The following TAF2 variants were observed in gnomAD, a reference collection of about 807,000 sequenced individuals.
The protein encoded by TAF2 is transcription initiation factor TFIID subunit 2.
Under a neutral mutation model 138.5 loss-of-function variants are expected in TAF2, and 61 were observed. That is an observed-to-expected ratio of 0.44 (90% CI 0.36 to 0.54). The LOEUF (loss-of-function observed/expected upper bound fraction) is 0.54. Ranked by LOEUF, TAF2 falls within the 20% of genes least tolerant of loss-of-function variation. The probability of loss-of-function intolerance (pLI) is 0.00; values close to 1 mark genes in which losing one functional copy is unlikely to be tolerated. For synonymous variants in TAF2, 475 were observed against 469.9 expected (o/e 1.01, Z -0.14); for missense variants, 1,090 against 1,427.9 (o/e 0.76, Z 3.81).
intron 21 of TAF2, among the ~76,000 whole-genome samples, chr8:119,756,481 C>T (rs1820710688): frequency 6.6e-6 from 1 of 152,082 alleles, no homozygotes; most frequent in African/African-American, 2.4e-5. Flanking sequence ...GAACATTCCA[C>T]TCTGCTTAGA....
At position 119,803,918 on chromosome 8, in the gene TAF2, C is replaced by A; in HGVS notation, c.520G>T (p.Gly174Cys). The A allele has an allele frequency of 6.2e-7, 1 of 1,613,924 alleles. No individual in the cohort carries two copies. Among genetic ancestry groups the A allele is most frequent in the Non-Finnish European group, 8.5e-7 (1 of 1,179,964 alleles). The stretch of plus-strand genomic sequence containing the variant: ...TACCCACAAGAGAAAACATGAGCAC[C>A]TCTCTCTGCCATACTTCCCTCTACA... ...PSVEGSMAER[G>C]AHVFSCGYQN... The change falls in exon 5 of 26, where the codon GGT becomes TGT. Residue 174 changes from glycine to cysteine, a missense_variant. By Grantham distance (159) the Gly-to-Cys change is radical. Coordinates refer to ENST00000378164, the MANE Select transcript of TAF2 (RefSeq NM_003184.4).
intron 3 of TAF2, among the ~76,000 whole-genome samples, chr8:119,817,637 C>T (rs1209169964): frequency 1.3e-5 from 2 of 152,210 alleles, no homozygotes; most frequent in East Asian, 3.8e-4. Context: ...TGTCATTACA[C>T]TTAACAGATT....
rs184110627 is a variant in TAF2 at position 119,793,638 on chromosome 8, G to C, written c.1192-187C>G. 1.7e-3 allele frequency among the ~76,000 whole-genome samples: 258 copies of C among 152,334 alleles called. 1 individual carries two copies. The highest frequency in any genetic ancestry group is 3.1e-3 in the Non-Finnish European group (211 of 68,020). On this transcript the variant is annotated intron_variant, in intron 9 of 25. Transcript: ENST00000378164. The stretch of plus-strand genomic sequence containing the variant: ...AATAAAGCAGCCTACACAGCTGGCA[G>C]AATGACAAAAGCCAAAGACTTCTCT...
intron 24 of TAF2, among the ~76,000 whole-genome samples, 170 bp from the exon 25 acceptor site, chr8:119,742,826 A>G (rs1370437295): frequency 1.3e-5 from 2 of 152,166 alleles, no homozygotes; most frequent in African/African-American, 4.8e-5. Flanking sequence ...TCACATCTTT[A>G]ATCCCAATGC....
intron 4 of TAF2, among the ~76,000 whole-genome samples, chr8:119,806,055 C>A (rs985231828): frequency 6.6e-6 from 1 of 151,998 alleles, no homozygotes; most frequent in East Asian, 1.9e-4. Context: ...CATGCGCCCA[C>A]CAAGCCTGGA....
At chr8:119,792,994 G>A (rs1040747592) in intron 10 of TAF2, among the ~76,000 whole-genome samples, 1 of 152,014 alleles carries the variant, frequency 6.6e-6, no homozygotes, top group African/African-American at 2.4e-5. Context: ...ATGGCAAGTG[G>A]TATTATGCAT....
rs143401446 is a variant in TAF2 at position 119,769,599 on chromosome 8, T to C, written c.2365-6991A>G. ...ACAATTCAGGAGATGAAAGACCAGA[T>C]AGATGTATTTTTAGAAGAGCAACAA... On this transcript the variant is annotated intron_variant, in intron 18 of 25. Coordinates refer to ENST00000378164, the MANE Select transcript of TAF2 (RefSeq NM_003184.4). Among the ~76,000 whole-genome samples the C allele has an allele frequency of 3.1e-3, 469 of 151,894 alleles. 10 individuals carry two copies. Among genetic ancestry groups the C allele is most frequent in the Admixed American group, 0.016 (251 of 15,244 alleles).
rs182536328 is a variant in TAF2 at position 119,804,733 on chromosome 8, G to T, written c.419-714C>A. Among the ~76,000 whole-genome samples the T allele has an allele frequency of 6.6e-5, 10 of 152,096 alleles. No individual in the cohort carries two copies. In the East Asian group the frequency reaches 1.5e-3, roughly 24 times the overall value. On this transcript the variant is annotated intron_variant, in intron 4 of 25. Transcript: ENST00000378164. ...ATGTCTTTATCAGCAGCATGAAAAC[G>T]GACTAATACACTTACTTTTCAAGTT... is the stretch of plus-strand genomic sequence containing the variant.
rs1355257387 is a variant in TAF2 at position 119,819,556 on chromosome 8, G to A, written c.139-50C>T. The A allele has an allele frequency of 4.8e-6, 7 of 1,468,634 alleles. No individual in the cohort carries two copies. In the African/African-American group the frequency reaches 5.5e-5, roughly 12 times the overall value. 91.0% of individuals were successfully genotyped at this position (1,468,634 alleles called of 1,614,324 possible). On this transcript the variant is annotated intron_variant, in intron 2 of 25. Coordinates refer to ENST00000378164, the MANE Select transcript of TAF2 (RefSeq NM_003184.4). ...TCATTATAAAGACTGGTATGTTTCAGAATATATTTCTTTTATTTTTACCAC... is the reference window on the plus strand; with the variant it reads ...TCATTATAAAGACTGGTATGTTTCAAAATATATTTCTTTTATTTTTACCAC...
intron 22 of TAF2, among the ~76,000 whole-genome samples, chr8:119,748,111 G>A (rs888507317): frequency 2.1e-4 from 32 of 151,566 alleles, no homozygotes; most frequent in Admixed American, 6.6e-5. Flanking sequence ...GCAACAGAGT[G>A]AGGCCTTGTC....
In TAF2 at chr8:119,801,983, T is replaced by G. The variant is rs766074204; in HGVS notation, c.603A>C (p.Thr201=). 1 of 1,613,992 alleles carries G rather than the reference T, an allele frequency of 6.2e-7. No homozygotes were observed. Among genetic ancestry groups the G allele is most frequent in the Admixed American group, 1.7e-5 (1 of 59,992 alleles). The change falls in exon 6 of 26, where the codon ACA becomes ACC. Residue 201 remains threonine, a synonymous_variant. Transcript: ENST00000378164. ...CATCTACTGTAAATTCTAATTTCCATGTACACAATTCAGAGTATGAATCAA... is the reference window on the plus strand; with the variant it reads ...CATCTACTGTAAATTCTAATTTCCAGGTACACAATTCAGAGTATGAATCAA... ...PCVDSYSELC[T]WKLEFTVDAA... is the part of the protein sequence containing the mutation.
chr8:119,753,441 G>A (rs968830518), intron 22 of TAF2, among the ~76,000 whole-genome samples: 5 of 152,102 alleles, frequency 3.3e-5, no homozygotes, highest in African/African-American at 9.7e-5. Context: ...ATTGTCCAAT[G>A]TTCTATAAAA....
chr8:119,787,732 T>C (rs965398194), intron 14 of TAF2, among the ~76,000 whole-genome samples: 1 of 152,202 alleles, frequency 6.6e-6, no homozygotes, highest in African/African-American at 2.4e-5. Flanking sequence ...AGAAATCCCA[T>C]TACTGGGTAT....
At chr8:119,775,239 CCACT>C (rs1822141260) in intron 18 of TAF2, among the ~76,000 whole-genome samples, 1 of 147,404 alleles carries the variant, frequency 6.8e-6, no homozygotes, top group South Asian at 2.2e-4. Context: ...TGGAATTGTG[CCACT>C]GCACTCCAGC....
intron 6 of TAF2, among the ~76,000 whole-genome samples, chr8:119,801,586 G>C (rs533834732): frequency 6.6e-6 from 1 of 151,968 alleles, no homozygotes; most frequent in East Asian, 1.9e-4. Flanking sequence ...CCACCACCAC[G>C]CCTGGCTAAT....
intron 18 of TAF2, among the ~76,000 whole-genome samples, chr8:119,776,364 T>A (rs1586398418): frequency 1.4e-5 from 2 of 140,374 alleles, no homozygotes; most frequent in African/African-American, 5.6e-5. Context: ...TTTTTTTTTT[T>A]ACTGTTGTAA....
intron 3 of TAF2, among the ~76,000 whole-genome samples, chr8:119,807,457 A>C (rs1824738751): frequency 6.6e-6 from 1 of 152,244 alleles, no homozygotes; most frequent in Non-Finnish European, 1.5e-5. Context: ...GAAAGAAATG[A>C]AAGACAGGAA....
chr8:119,802,547 A>T (rs560590158), intron 5 of TAF2, among the ~76,000 whole-genome samples: 6 of 152,338 alleles, frequency 3.9e-5, no homozygotes, highest in African/African-American at 1.4e-4. Flanking sequence ...GTTACGTGAC[A>T]GGGTAGGTAC....
intron 25 of TAF2, among the ~76,000 whole-genome samples, chr8:119,738,838 C>A (rs1819402844): frequency 2.0e-5 from 3 of 151,834 alleles, no homozygotes; most frequent in Admixed American, 2.0e-4. Flanking sequence ...TAACACAAAA[C>A]CTGCAGTTTT....
Sources: gnomAD v4.1 joint callset for allele counts (sites outside exome capture counted in the v4.1 genomes callset) on GRCh38, gnomAD v4.1.1 for gene constraint, MANE v1.5 for transcripts, NCBI Gene and HGNC (gene_info 2026-07-23, HGNC 2026-07-21) for gene names.